The following LRRC1 variants were observed in gnomAD, a reference collection of about 807,000 sequenced individuals.
LRRC1 encodes leucine-rich repeat-containing protein 1.
In LRRC1, 28 loss-of-function variants were observed where a neutral mutation model predicts 69.9. The observed-to-expected ratio is 0.40, with a 90% CI of 0.30 to 0.55. LRRC1 has a LOEUF of 0.55. Ranked by LOEUF, LRRC1 falls within the 20% of genes least tolerant of loss-of-function variation. LRRC1 has a pLI of 0.47. For synonymous variants in LRRC1, 236 were observed against 240.2 expected, an observed-to-expected ratio of 0.98 and a Z score of 0.16; for missense variants, 498 against 609.0, an observed-to-expected ratio of 0.82 and a Z score of 1.92.
rs192640423 is a variant in LRRC1, at chr6:53,803,408, C to G, written c.159+7993C>G. Among the ~76,000 whole-genome samples, 11 of 152,274 alleles carry G rather than the reference C, an allele frequency of 7.2e-5. No individual in the cohort carries two copies. The East Asian group carries it at 2.1e-3, about 29-fold the overall frequency. On this transcript the variant is annotated intron_variant, in intron 1 of 13. Coordinates refer to ENST00000370888, the MANE Select transcript of LRRC1 (RefSeq NM_018214.5). ...ATTCAGGGCTAGAAATGTTTGCCCT[C>G]TGCTTCATAAGATAGTTCTGAGGGG...
chr6:53,842,086 A>T, intron 1 of LRRC1, 24 bp from the exon 2 acceptor site: 1 of 1,409,734 alleles, frequency 7.1e-7, no homozygotes, highest in Non-Finnish European at 1.0e-6. Flanking sequence ...TGTGAAATCT[A>T]TGTTAAACTC....
chr6:53,853,896 T>C (rs1013805336), intron 2 of LRRC1, among the ~76,000 whole-genome samples: 2 of 152,212 alleles, frequency 1.3e-5, no homozygotes, highest in African/African-American at 4.8e-5. Context: ...CCCGTGATCC[T>C]TTCTCAAGGT....
intron 1 of LRRC1, among the ~76,000 whole-genome samples, chr6:53,816,448 T>G (rs1438774790): frequency 6.6e-6 from 1 of 151,884 alleles, no homozygotes; most frequent in Non-Finnish European, 1.5e-5. Flanking sequence ...GTCAAAAGCT[T>G]CTTGAATCTC....
chr6:53,901,043 G>T lies in LRRC1; in HGVS notation c.787+1152G>T, dbSNP rs147674269. On this transcript the variant is annotated intron_variant, in intron 8 of 13. Transcript: ENST00000370888. ...TTTGGTTAAACCCAGCTGGAAAATCGGTAGGGGTTTTGGCTCTATGCGAGA... is the reference window on the plus strand; with the variant it reads ...TTTGGTTAAACCCAGCTGGAAAATCTGTAGGGGTTTTGGCTCTATGCGAGA... Among the ~76,000 whole-genome samples the T allele has an allele frequency of 3.4e-3, 329 of 95,718 alleles. 2 individuals are homozygous for T. The highest frequency in any genetic ancestry group is 0.012 in the African/African-American group (314 of 25,150). 62.8% of individuals were successfully genotyped at this position (95,718 alleles called of 152,430 possible).
intron 1 of LRRC1, among the ~76,000 whole-genome samples, chr6:53,840,062 G>A (rs925119612): frequency 1.3e-5 from 2 of 152,000 alleles, no homozygotes; most frequent in African/African-American, 4.8e-5. Flanking sequence ...ATTTTATTCT[G>A]GGAATTTCCT....
At chr6:53,883,052 T>G (rs1767353658) in intron 4 of LRRC1, 76 bp downstream of exon 4, 1 of 842,402 alleles carries the variant, frequency 1.2e-6, no homozygotes, top group Non-Finnish European at 1.9e-6. Context: ...TCCTTCCCTT[T>G]TAAAGCTCCT....
At chr6:53,807,726 CAA>C (rs1325639495) in intron 1 of LRRC1, among the ~76,000 whole-genome samples, 1 of 148,942 alleles carries the variant, frequency 6.7e-6, no homozygotes, top group Non-Finnish European at 1.5e-5. Flanking sequence ...GCCTGGGCAA[CAA>C]GAGTGAAACT....
intron 2 of LRRC1, among the ~76,000 whole-genome samples, chr6:53,844,638 A>T (rs1339980571): frequency 1.3e-5 from 2 of 151,924 alleles, no homozygotes; most frequent in Non-Finnish European, 2.9e-5. Context: ...TGGAACACCT[A>T]CCCTGCTTTT....
chr6:53,805,968 A>T (rs909912418), intron 1 of LRRC1, among the ~76,000 whole-genome samples: 1 of 152,202 alleles, frequency 6.6e-6, no homozygotes, highest in Non-Finnish European at 1.5e-5. Context: ...TTTCAGCCCC[A>T]GTTAGCTGCC....
chr6:53,827,951 G>T (rs1443201881), intron 1 of LRRC1, among the ~76,000 whole-genome samples: 1 of 152,160 alleles, frequency 6.6e-6, no homozygotes, highest in African/African-American at 2.4e-5. Flanking sequence ...CTTGTGCTTT[G>T]TTCTATAACT....
intron 1 of LRRC1, among the ~76,000 whole-genome samples, chr6:53,840,094 A>C (rs1765724905): frequency 6.6e-6 from 1 of 152,024 alleles, no homozygotes; most frequent in African/African-American, 2.4e-5. Flanking sequence ...TGTTTTGTTG[A>C]TTCTCTGTTT....
chr6:53,893,228 AT>A (rs1204214496), intron 4 of LRRC1, among the ~76,000 whole-genome samples: 2 of 152,178 alleles, frequency 1.3e-5, no homozygotes, highest in Non-Finnish European at 2.9e-5. Flanking sequence ...TTATGCTCTA[AT>A]TGCCATAATA....
intron 1 of LRRC1, among the ~76,000 whole-genome samples, chr6:53,833,947 G>A (rs1765535644): frequency 6.6e-6 from 1 of 152,120 alleles, no homozygotes; most frequent in African/African-American, 2.4e-5. Context: ...ATTCCATTCT[G>A]TGTCTATGAA....
chr6:53,895,770 C>T (rs1477651780), intron 4 of LRRC1, among the ~76,000 whole-genome samples: 1 of 152,172 alleles, frequency 6.6e-6, no homozygotes, highest in Middle Eastern at 3.2e-3. Flanking sequence ...CCACTGTGCT[C>T]CTAATAGACT....
chr6:53,842,242 A>G lies in LRRC1; in HGVS notation c.277+15A>G, dbSNP rs749224788. Reference sequence around the variant, plus strand: ...GTCTCGAAATGGTAAGAAAGATTCCACTTGGGTTGCCTATTTGTCTCTTCA... The same window carrying G: ...GTCTCGAAATGGTAAGAAAGATTCCGCTTGGGTTGCCTATTTGTCTCTTCA... On this transcript the variant is annotated intron_variant, in intron 2 of 13. Transcript: ENST00000370888. The G allele has an allele frequency of 2.5e-6, 4 of 1,579,846 alleles. No individual in the cohort carries two copies. The highest frequency in any genetic ancestry group is 3.5e-6 in the Non-Finnish European group (4 of 1,150,026).
At chr6:53,834,444 C>T (rs1371651880) in intron 1 of LRRC1, among the ~76,000 whole-genome samples, 1 of 152,184 alleles carries the variant, frequency 6.6e-6, no homozygotes. Context: ...CCTCCACCTC[C>T]AGCATGACTT....
At chr6:53,848,229 C>T (rs535504943) in intron 2 of LRRC1, among the ~76,000 whole-genome samples, 2 of 152,226 alleles carry the variant, frequency 1.3e-5, no homozygotes, top group Admixed American at 6.5e-5. Flanking sequence ...CAAATATATC[C>T]GCTTTCCCAT....
chr6:53,874,633 A>AT (rs1767007740), intron 2 of LRRC1, among the ~76,000 whole-genome samples: 2 of 152,118 alleles, frequency 1.3e-5, no homozygotes, highest in Non-Finnish European at 2.9e-5. Context: ...CAAGACATCC[A>AT]TTTTTTCTTT....
intron 1 of LRRC1, among the ~76,000 whole-genome samples, chr6:53,823,846 A>G (rs1416632421): frequency 6.6e-6 from 1 of 152,236 alleles, no homozygotes; most frequent in Non-Finnish European, 1.5e-5. Context: ...GCTGCAGAGT[A>G]TTCCATGCTG....
Sources: allele counts gnomAD v4.1 joint callset (sites outside exome capture counted in the v4.1 genomes callset), GRCh38; gene constraint gnomAD v4.1.1; transcripts MANE v1.5; gene names NCBI Gene and HGNC (gene_info 2026-07-23, HGNC 2026-07-21).